Variants in FRMD3 observed in about 807,000 individuals in gnomAD.
FRMD3 encodes the protein FERM domain containing 3, also known as FERM domain-containing protein 3.
In FRMD3, 33 loss-of-function variants were observed where a neutral mutation model predicts 70.2. That is an observed-to-expected ratio of 0.47 (90% CI 0.36 to 0.63). FRMD3 has a LOEUF of 0.63. Among genes scored for constraint, FRMD3 ranks in the 20% least tolerant of loss-of-function variants. The probability of loss-of-function intolerance (pLI) is 0.00; values close to 1 mark genes in which losing one functional copy is unlikely to be tolerated. For synonymous variants in FRMD3, 279 were observed against 255.9 expected (o/e 1.09, Z -0.86); for missense variants, 632 against 711.4 (o/e 0.89, Z 1.27).
At chr9:83,545,892 G>T in the FRMD3 span, among the ~76,000 whole-genome samples, 1 of 152,094 alleles carries the variant, frequency 6.6e-6, no homozygotes, top group Non-Finnish European at 1.5e-5. Context: ...ACATCACCAA[G>T]GTGTATAGTC....
intron 1 of FRMD3, among the ~76,000 whole-genome samples, chr9:83,468,100 T>C (rs896060036): frequency 1.3e-5 from 2 of 152,214 alleles, no homozygotes; most frequent in Non-Finnish European, 2.9e-5. Context: ...TGGCACTGCA[T>C]AGAGCTAAGC....
the FRMD3 span, among the ~76,000 whole-genome samples, chr9:83,549,642 T>C: frequency 7.2e-5 from 11 of 152,118 alleles, no homozygotes; most frequent in African/African-American, 2.7e-4. Flanking sequence ...AATAGCCATT[T>C]TGACTGGTGT....
At chr9:83,390,779 A>G (rs933135789) in intron 1 of FRMD3, among the ~76,000 whole-genome samples, 1 of 152,210 alleles carries the variant, frequency 6.6e-6, no homozygotes. Context: ...TGTTTTAGAG[A>G]TGTGACCTAT....
At chr9:83,376,901 G>C (rs1426248499) in intron 2 of FRMD3, among the ~76,000 whole-genome samples, 1 of 152,164 alleles carries the variant, frequency 6.6e-6, no homozygotes, top group Admixed American at 6.5e-5. Context: ...GAGCATGGTA[G>C]TGTGTCCAAT....
chr9:83,488,904 G>A (rs779774106), intron 1 of FRMD3, among the ~76,000 whole-genome samples: 3 of 151,848 alleles, frequency 2.0e-5, no homozygotes, highest in Non-Finnish European at 4.4e-5. Context: ...ACCAGAGGCT[G>A]AGTTGATTGT....
At chr9:83,523,333 A>G (rs1333299928) in intron 1 of FRMD3, among the ~76,000 whole-genome samples, 1 of 152,220 alleles carries the variant, frequency 6.6e-6, no homozygotes, top group Non-Finnish European at 1.5e-5. Context: ...ATAGATAGAT[A>G]GATAGATGGA....
At chr9:83,427,942 TA>T (rs1826858729) in intron 1 of FRMD3, among the ~76,000 whole-genome samples, 1 of 152,214 alleles carries the variant, frequency 6.6e-6, no homozygotes, top group African/African-American at 2.4e-5. Context: ...CCTACACTGC[TA>T]ACAGGAGCAT....
intron 4 of FRMD3, among the ~76,000 whole-genome samples, chr9:83,349,217 G>A (rs1824063126): frequency 6.6e-6 from 1 of 152,164 alleles, no homozygotes; most frequent in South Asian, 2.1e-4. Flanking sequence ...GGGCTGAGAA[G>A]AGTCTGAGTG....
intron 1 of FRMD3, among the ~76,000 whole-genome samples, chr9:83,425,900 TC>T: frequency 2.3e-5 from 1 of 42,978 alleles, no homozygotes; most frequent in East Asian, 7.4e-4. Flanking sequence ...AGAGTAAAAC[TC>T]CGTCTCAAAA....
At chr9:83,488,283 G>A (rs991032588) in intron 1 of FRMD3, among the ~76,000 whole-genome samples, 1 of 152,198 alleles carries the variant, frequency 6.6e-6, no homozygotes, top group Admixed American at 6.5e-5. Context: ...ATGCGCTAAT[G>A]CACAAAAAGG....
At chr9:83,549,392 G>C in the FRMD3 span, among the ~76,000 whole-genome samples, 5 of 152,058 alleles carry the variant, frequency 3.3e-5, no homozygotes, top group Non-Finnish European at 7.4e-5. Flanking sequence ...CCTTGCTATT[G>C]TGAACAGTAC....
intron 1 of FRMD3, among the ~76,000 whole-genome samples, chr9:83,476,943 C>T (rs1828413464): frequency 6.6e-6 from 1 of 152,146 alleles, no homozygotes; most frequent in Non-Finnish European, 1.5e-5. Flanking sequence ...TCCTTGAGGG[C>T]AGGTGGTGTC....
chr9:83,399,167 C>T (rs145786893), intron 1 of FRMD3, among the ~76,000 whole-genome samples: 18 of 152,292 alleles, frequency 1.2e-4, no homozygotes, highest in Non-Finnish European at 2.4e-4. Flanking sequence ...AGCCAGAATA[C>T]GTTGGTCAGT....
chr9:83,331,327 C>T (rs189818200), intron 6 of FRMD3, among the ~76,000 whole-genome samples: 1 of 152,254 alleles, frequency 6.6e-6, no homozygotes, highest in African/African-American at 2.4e-5. Flanking sequence ...ATGCATATTA[C>T]TGAGTGAAAG....
intron 1 of FRMD3, among the ~76,000 whole-genome samples, chr9:83,506,538 C>T (rs1829185908): frequency 2.0e-5 from 3 of 152,138 alleles, no homozygotes; most frequent in Non-Finnish European, 2.9e-5. Context: ...CAGTAAAAAT[C>T]GACTTAAAAT....
chr9:83,573,074 G>A, the FRMD3 span, among the ~76,000 whole-genome samples: 1 of 152,276 alleles, frequency 6.6e-6, no homozygotes, highest in Non-Finnish European at 1.5e-5. Flanking sequence ...AGGGATGACT[G>A]AAAAGAGTTT....
At chr9:83,348,664 G>T (rs2375885) in intron 4 of FRMD3, among the ~76,000 whole-genome samples, 15,438 of 152,142 alleles carry the variant, frequency 0.1, 813 homozygotes, top group East Asian at 0.17. Flanking sequence ...AACCAGGCCA[G>T]ATTGCAAAAT....
chr9:83,267,049 C>T (rs1404650982), intron 13 of FRMD3: 1 of 1,550,976 alleles, frequency 6.4e-7, no homozygotes, highest in Admixed American at 2.0e-5. Flanking sequence ...CGAGTCTCAG[C>T]AGACGAACAA....
Position 83,468,128 on chromosome 9 carries a change from G to C in FRMD3, c.147+69957C>G, listed in dbSNP as rs147035525. Among the ~76,000 whole-genome samples the C allele has an allele frequency of 3.0e-3, 454 of 152,248 alleles. 11 individuals carry two copies. Among genetic ancestry groups the C allele is most frequent in the Admixed American group, 0.024 (370 of 15,282 alleles). ...AGCTAAGCCCAATTGATTAAATATG[G>C]ATATATAAGTTGATTGAATCAATTC... is the stretch of plus-strand genomic sequence containing the variant. On this transcript the variant is annotated intron_variant, in intron 1 of 13. Transcript: ENST00000304195.
Sources: allele counts gnomAD v4.1 joint callset (sites outside exome capture counted in the v4.1 genomes callset), GRCh38; gene constraint gnomAD v4.1.1; transcripts MANE v1.5; gene names NCBI Gene and HGNC (gene_info 2026-07-23, HGNC 2026-07-21).